Variants in HMGA2 observed in about 807,000 individuals in gnomAD.
The protein encoded by HMGA2 is high mobility group protein HMGI-C.
A neutral mutation model predicts 19.1 loss-of-function variants in HMGA2; 8 were observed. That is an observed-to-expected ratio of 0.42 (90% CI 0.25 to 0.76). The LOEUF (loss-of-function observed/expected upper bound fraction) is 0.76, where lower values mean the gene tolerates loss of function less well. Among genes scored for constraint, HMGA2 ranks in the 30% least tolerant of loss-of-function variants. The pLI is 0.28. For missense variants in HMGA2, 109 were observed against 136.3 expected (o/e 0.80, Z 1.00); for synonymous variants, 60 against 48.8 (o/e 1.23, Z -0.96).
chr12:65,860,745 T>G lies in HMGA2; in HGVS notation c.249+22176T>G, dbSNP rs552942078. Among the ~76,000 whole-genome samples the G allele has an allele frequency of 1.6e-3, 251 of 152,360 alleles. 2 individuals are homozygous for G. The highest frequency in any genetic ancestry group is 5.5e-3 in the African/African-American group (230 of 41,592). ...ATGTCCACAGTATTATGTCATTAAT[T>G]ACTATACCCTGAGGAATTACTGCTG... is the stretch of plus-strand genomic sequence containing the variant. On this transcript the variant is annotated intron_variant, in intron 3 of 4. Transcript: ENST00000403681.
chr12:65,908,536 A>G (rs1310729708), intron 3 of HMGA2, among the ~76,000 whole-genome samples: 2 of 151,714 alleles, frequency 1.3e-5, no homozygotes, highest in African/African-American at 2.4e-5. Flanking sequence ...AATGAGTTTC[A>G]TATGTCTCCA....
intron 3 of HMGA2, among the ~76,000 whole-genome samples, chr12:65,896,880 C>T (rs1300986537): frequency 6.6e-6 from 1 of 152,190 alleles, no homozygotes; most frequent in Non-Finnish European, 1.5e-5. Context: ...GGAATAAATA[C>T]TTAACACAAG....
chr12:65,932,886 T>TA (rs1875765590), intron 3 of HMGA2, among the ~76,000 whole-genome samples: 1 of 152,214 alleles, frequency 6.6e-6, no homozygotes, highest in African/African-American at 2.4e-5. Context: ...CCTCACTTTA[T>TA]AAAAAACAAT....
chr12:65,851,646 C>T (rs112457656), intron 3 of HMGA2: 6,839 of 442,266 alleles, frequency 0.015, 154 homozygotes, highest in African/African-American at 0.069. Context: ...GGCAACAAAG[C>T]GAGACTCTGT....
intron 3 of HMGA2, among the ~76,000 whole-genome samples, chr12:65,875,423 CTGTT>C (rs561347016): frequency 1.5e-4 from 22 of 151,346 alleles, no homozygotes; most frequent in African/African-American, 3.9e-4. Flanking sequence ...TCAGTTTTGT[CTGTT>C]TGTTTGTTTG....
chr12:65,924,860 C>T (rs1426568033), intron 3 of HMGA2, among the ~76,000 whole-genome samples: 2 of 152,168 alleles, frequency 1.3e-5, no homozygotes, highest in Non-Finnish European at 1.5e-5. Flanking sequence ...CAACTCTCTC[C>T]CAGCCTTTCA....
At chr12:65,862,298 C>T (rs958533132) in intron 3 of HMGA2, among the ~76,000 whole-genome samples, 11 of 151,580 alleles carry the variant, frequency 7.3e-5, no homozygotes, top group African/African-American at 2.7e-4. Context: ...CACACACACA[C>T]ACACACACAT....
At chr12:65,926,742 T>C (rs974973161) in intron 3 of HMGA2, among the ~76,000 whole-genome samples, 10 of 152,194 alleles carry the variant, frequency 6.6e-5, no homozygotes, top group Admixed American at 1.3e-4. Context: ...GGAAAGGTTG[T>C]GGCAGCAGTG....
chr12:65,911,316 C>T (rs955890568), intron 3 of HMGA2, among the ~76,000 whole-genome samples: 1 of 152,156 alleles, frequency 6.6e-6, no homozygotes, highest in Non-Finnish European at 1.5e-5. Context: ...TGAACCATCT[C>T]TACCACTTGA....
Position 65,825,330 on chromosome 12 carries a change from C to A in HMGA2, c.60C>A (p.Ala20=). The change falls in exon 1 of 5, where the codon GCC becomes GCA. Residue 20 remains alanine, a synonymous_variant. Coordinates refer to ENST00000403681, the MANE Select transcript of HMGA2 (RefSeq NM_003483.6). This position sits in a 1 kb window ranked among gnomAD's most constrained non-coding sequence, Gnocchi z 4.4. ...CCACTTCAGCCCAGGGACAACCTGCCGCCCCAGCGCCTCAGAAGAGAGGAC... is the reference window on the plus strand; with the variant it reads ...CCACTTCAGCCCAGGGACAACCTGCAGCCCCAGCGCCTCAGAAGAGAGGAC... ...QPSTSAQGQP[A]APAPQKRGRG... 1.3e-6 allele frequency: 2 copies of A among 1,538,488 alleles called. No homozygotes were observed. Among genetic ancestry groups the A allele is most frequent in the South Asian group, 1.2e-5 (1 of 83,346 alleles).
At chr12:65,863,154 T>C (rs1010888252) in intron 3 of HMGA2, among the ~76,000 whole-genome samples, 1 of 152,190 alleles carries the variant, frequency 6.6e-6, no homozygotes, top group Non-Finnish European at 1.5e-5. Flanking sequence ...TAGAATTCTT[T>C]TGGGGCCAGA....
At chr12:65,936,864 T>G (rs1202002254) in intron 3 of HMGA2, among the ~76,000 whole-genome samples, 1 of 152,184 alleles carries the variant, frequency 6.6e-6, no homozygotes, top group Non-Finnish European at 1.5e-5. Context: ...ATACTTGATC[T>G]CAGAGGTCTT....
rs570838212 is a variant in HMGA2 at position 65,883,989 on chromosome 12, C to T, written c.249+45420C>T. 4.1e-4 allele frequency among the ~76,000 whole-genome samples: 62 copies of T among 152,300 alleles called. 2 individuals carry two copies. Among genetic ancestry groups the T allele is most frequent in the Admixed American group, 3.7e-3 (56 of 15,300 alleles). ...CAAGCAATTCTCTTGCCTCAGCCTCCCGGGTAACTGGGATTACAGGCGCGC... is the reference window on the plus strand; with the variant it reads ...CAAGCAATTCTCTTGCCTCAGCCTCTCGGGTAACTGGGATTACAGGCGCGC... On this transcript the variant is annotated intron_variant, in intron 3 of 4. Coordinates refer to ENST00000403681, the MANE Select transcript of HMGA2 (RefSeq NM_003483.6).
At chr12:65,859,042 C>T (rs903714787) in intron 3 of HMGA2, 2 of 152,150 alleles carry the variant, frequency 1.3e-5, no homozygotes, top group African/African-American at 2.4e-5. Flanking sequence ...TTGGTGACTC[C>T]ATGTTTATTG....
chr12:65,882,638 A>C (rs1290469880), intron 3 of HMGA2, among the ~76,000 whole-genome samples: 3 of 152,208 alleles, frequency 2.0e-5, no homozygotes, highest in Non-Finnish European at 4.4e-5. Flanking sequence ...CCCAGCCTCC[A>C]TCTCATCTGT....
At chr12:65,862,276 T>TAC (rs34442419) in intron 3 of HMGA2, among the ~76,000 whole-genome samples, 86,837 of 144,472 alleles carry the variant, frequency 0.6, 28,544 homozygotes, top group Non-Finnish European at 0.74. Flanking sequence ...AAATGCACCA[T>TAC]ACACACACAC....
intron 3 of HMGA2, among the ~76,000 whole-genome samples, chr12:65,874,719 A>G (rs1186006148): frequency 6.6e-6 from 1 of 152,246 alleles, no homozygotes. Flanking sequence ...ATGGATAATC[A>G]TAGTTCAAAC....
intron 3 of HMGA2, chr12:65,859,811 C>A: frequency 5.1e-6 from 1 of 196,046 alleles, no homozygotes. Context: ...AGGCCGTGTG[C>A]AGTGGCTTAC....
At chr12:65,876,180 G>A (rs1022218023) in intron 3 of HMGA2, among the ~76,000 whole-genome samples, 3 of 151,570 alleles carry the variant, frequency 2.0e-5, no homozygotes, top group African/African-American at 7.3e-5. Context: ...GATTTACTTA[G>A]CTGTTCCAGC....
Sources: gnomAD v4.1 joint callset for allele counts (sites outside exome capture counted in the v4.1 genomes callset) on GRCh38, gnomAD v4.1.1 for gene constraint, Gnocchi (gnomAD v3.1) non-coding constraint, MANE v1.5 for transcripts, NCBI Gene and HGNC (gene_info 2026-07-23, HGNC 2026-07-21) for gene names.